RFT1: variants seen among roughly 807,000 people sequenced by gnomAD.
RFT1 encodes the protein man(5)GlcNAc(2)-PP-dolichol translocation protein RFT1.
A neutral mutation model predicts 62.2 loss-of-function variants in RFT1; 43 were observed. The ratio of observed to expected loss-of-function variants is 0.69; its 90% CI spans 0.54 to 0.89. RFT1 has a LOEUF of 0.89. RFT1 is among the 40% of genes least tolerant of loss of function. The probability of loss-of-function intolerance (pLI) is 0.00; values close to 1 mark genes in which losing one functional copy is unlikely to be tolerated. For synonymous variants in RFT1, 262 were observed against 264.6 expected (o/e 0.99, Z 0.10); for missense variants, 605 against 649.9 (o/e 0.93, Z 0.75).
At chr3:53,116,291 C>CT (rs71087059) in intron 6 of RFT1, among the ~76,000 whole-genome samples, 2 of 113,650 alleles carry the variant, frequency 1.8e-5, no homozygotes, top group Admixed American at 8.9e-5. Context: ...CATCTCATTT[C>CT]TTTTTTTTTT....
At chr3:53,113,851 G>C (rs1701718522) in intron 6 of RFT1, among the ~76,000 whole-genome samples, 2 of 152,176 alleles carry the variant, frequency 1.3e-5, no homozygotes, top group Non-Finnish European at 2.9e-5. Context: ...ACCTCTGAAA[G>C]CAAGGATCAC....
Position 53,089,711 on chromosome 3 carries a change from C to T in RFT1, c.*2192G>A, listed in dbSNP as rs1700938644. The stretch of plus-strand genomic sequence containing the variant: ...CACGCAGCCACATGTACAACTCTCC[C>T]TAGATACAGGGAAGCAGGACACCGG... On this transcript the variant is annotated 3_prime_UTR_variant, in exon 13 of 13. Transcript: ENST00000296292. 6.6e-6 allele frequency: 1 copy of T among 152,316 alleles called. No homozygotes were observed. The highest frequency in any genetic ancestry group is 2.4e-5 in the African/African-American group (1 of 41,454). The allele number at this position is 152,316 out of a possible 1,614,324, so 9.4% of individuals were successfully genotyped here.
intron 8 of RFT1, among the ~76,000 whole-genome samples, 157 bp from the exon 9 acceptor site, chr3:53,105,960 C>T (rs765421855): frequency 7.2e-5 from 11 of 152,120 alleles, no homozygotes; most frequent in Non-Finnish European, 1.0e-4. Context: ...TGGCCAGGCA[C>T]GGTGGCTCAT....
At position 53,104,032 on chromosome 3, in the gene RFT1, C is replaced by A; in HGVS notation, c.1023G>T (p.Leu341=). ...AGGCAAAGCCAAAAACAGTGATGGT[C>A]AGGCCGGCCAGCAGGGCCAGCTTGA... ...SLLKLALLAG[L]TITVFGFAYS... The change falls in exon 10 of 13, where the codon CTG becomes CTT. Residue 341 remains leucine, a synonymous_variant. Transcript: ENST00000296292. 2 of 1,614,194 alleles carry A rather than the reference C, an allele frequency of 1.2e-6. No homozygotes were observed. The highest frequency in any genetic ancestry group is 2.2e-5 in the South Asian group (2 of 91,066).
In RFT1 at chr3:53,092,371, C is replaced by G. The variant is rs761988845; in HGVS notation, c.1456G>C (p.Glu486Gln). 1 of 1,598,904 alleles carries G rather than the reference C, an allele frequency of 6.3e-7. No individual in the cohort carries two copies. The highest frequency in any genetic ancestry group is 1.1e-5 in the South Asian group (1 of 88,412). ...ALSGGVTAVS[E>Q]VFLCCEQGWP... ...CATGATGGCTCAGGGAGTCTCACCT[C>G]CGAAACAGCAGTAACCCCACCACTG... Residue 486 changes from glutamate to glutamine, a missense_variant and splice_region_variant, in exon 12 of 13, where the codon GAG becomes CAG. By Grantham distance (29) the Glu-to-Gln change is conservative (BLOSUM62 2). Transcript: ENST00000296292.
the RFT1 span, among the ~76,000 whole-genome samples, chr3:53,071,755 A>G: frequency 6.6e-6 from 1 of 152,280 alleles, no homozygotes; most frequent in South Asian, 2.1e-4. Context: ...CCCCAGGGAT[A>G]TGACACTTAG....
chr3:53,116,125 GA>G (rs1701784325), intron 6 of RFT1, among the ~76,000 whole-genome samples: 1 of 152,150 alleles, frequency 6.6e-6, no homozygotes, highest in Non-Finnish European at 1.5e-5. Context: ...ACAAGAACAG[GA>G]AGGGAAATCT....
At chr3:53,111,775 A>G in intron 7 of RFT1, 55 bp downstream of exon 7, 16 of 1,465,186 alleles carry the variant, frequency 1.1e-5, no homozygotes, top group Non-Finnish European at 1.5e-5. Context: ...TGGCAGTCCT[A>G]TGAAATCCCC....
intron 11 of RFT1, among the ~76,000 whole-genome samples, chr3:53,098,079 T>G (rs923339156): frequency 6.6e-6 from 1 of 152,210 alleles, no homozygotes; most frequent in Admixed American, 6.5e-5. Flanking sequence ...CTTCCTGCCT[T>G]GTGAACTCAT....
At chr3:53,068,841 C>T in the RFT1 span, among the ~76,000 whole-genome samples, 16 of 152,300 alleles carry the variant, frequency 1.1e-4, no homozygotes, top group Middle Eastern at 6.8e-3. Context: ...AGTATCCATA[C>T]GACCATTCTG....
chr3:53,114,816 C>T (rs999180099), intron 6 of RFT1, among the ~76,000 whole-genome samples: 2 of 152,154 alleles, frequency 1.3e-5, no homozygotes, highest in African/African-American at 4.8e-5. Context: ...GGAATCAGAA[C>T]TCAGAGGCTC....
the RFT1 span, among the ~76,000 whole-genome samples, chr3:53,069,972 A>G: frequency 2.0e-5 from 3 of 152,200 alleles, no homozygotes; most frequent in Non-Finnish European, 4.4e-5. Flanking sequence ...TGTGCCCTGC[A>G]GCAGAGCAGG....
At chr3:53,128,530 TA>T (rs773331942) in intron 1 of RFT1, among the ~76,000 whole-genome samples, 23 of 152,112 alleles carry the variant, frequency 1.5e-4, no homozygotes, top group Non-Finnish European at 2.5e-4. Flanking sequence ...GCTTTTGTTT[TA>T]AGACAGGGTC....
At chr3:53,099,544 C>A in intron 10 of RFT1, 58 bp from the exon 11 acceptor site, 1 of 1,336,554 alleles carries the variant, frequency 7.5e-7, no homozygotes, top group South Asian at 1.2e-5. Flanking sequence ...CACATGTACC[C>A]TCAGTGCTGC....
intron 11 of RFT1, among the ~76,000 whole-genome samples, chr3:53,093,035 G>C (rs1280586118): frequency 6.6e-6 from 1 of 152,158 alleles, no homozygotes; most frequent in Non-Finnish European, 1.5e-5. Flanking sequence ...GCAGAGCTTG[G>C]ATTTATTTCA....
intron 10 of RFT1, 92 bp from the exon 11 acceptor site, chr3:53,099,578 A>C: frequency 1.1e-6 from 1 of 945,730 alleles, no homozygotes; most frequent in Non-Finnish European, 1.7e-6. Flanking sequence ...AACCAGAACC[A>C]GACTATGAGG....
At chr3:53,119,759 C>T in intron 6 of RFT1, 125 bp downstream of exon 6, 1 of 945,714 alleles carries the variant, frequency 1.1e-6, no homozygotes, top group South Asian at 1.6e-5. Flanking sequence ...AGAGCAAGCA[C>T]TCCATAAATA....
chr3:53,106,093 C>T (rs1026863708), intron 8 of RFT1, among the ~76,000 whole-genome samples: 3 of 151,842 alleles, frequency 2.0e-5, no homozygotes, highest in South Asian at 2.1e-4. Flanking sequence ...TTTAGCCAGG[C>T]GTGGTGGTGT....
At chr3:53,117,800 T>G (rs1443920415) in intron 6 of RFT1, among the ~76,000 whole-genome samples, 1 of 152,222 alleles carries the variant, frequency 6.6e-6, no homozygotes, top group Non-Finnish European at 1.5e-5. Flanking sequence ...CATCAGGTCT[T>G]CAAAACAGCC....
Sources: gnomAD v4.1 joint callset for allele counts (sites outside exome capture counted in the v4.1 genomes callset) on GRCh38, gnomAD v4.1.1 for gene constraint, MANE v1.5 for transcripts, NCBI Gene and HGNC (gene_info 2026-07-23, HGNC 2026-07-21) for gene names.